FOXK2: variants seen among roughly 807,000 people sequenced by gnomAD.
The protein encoded by FOXK2 is forkhead box K2.
In FOXK2, 24 loss-of-function variants were observed where a neutral mutation model predicts 53.3. That is an observed-to-expected ratio of 0.45 (90% CI 0.33 to 0.63). The LOEUF (loss-of-function observed/expected upper bound fraction) is 0.63, where lower values mean the gene tolerates loss of function less well. Among genes scored for constraint, FOXK2 ranks in the 30% least tolerant of loss-of-function variants. FOXK2 has a pLI of 0.03. For synonymous variants in FOXK2, 505 were observed against 407.1 expected (o/e 1.24, Z -2.89); for missense variants, 952 against 910.5 (o/e 1.05, Z -0.59).
chr17:82,541,046 C>T (rs191601408), intron 1 of FOXK2, among the ~76,000 whole-genome samples: 1 of 152,138 alleles, frequency 6.6e-6, no homozygotes, highest in East Asian at 1.9e-4. Context: ...TAGGCCCTCC[C>T]AGCGGTTGGA....
chr17:82,586,059 G>C lies in FOXK2; in HGVS notation c.1435G>C (p.Ala479Pro). The C allele has an allele frequency of 6.2e-7, 1 of 1,612,796 alleles. No homozygotes were observed. The highest frequency in any genetic ancestry group is 8.5e-7 in the Non-Finnish European group (1 of 1,179,976). ...GGTTCACGTCGTCCACCAGATCCCA[G>C]CGGTGTCGGTCACCAGTGTGGCCGG... ...QTVHVVHQIP[A>P]VSVTSVAGLA... Residue 479 changes from alanine (A) to proline (P), a missense_variant, in exon 7 of 9, where the codon GCG becomes CCG. By Grantham distance (27) the Ala-to-Pro change is conservative. Transcript: ENST00000335255.
At chr17:82,591,828 CT>C (rs1251194766) in intron 8 of FOXK2, among the ~76,000 whole-genome samples, 1 of 152,232 alleles carries the variant, frequency 6.6e-6, no homozygotes, top group Non-Finnish European at 1.5e-5. Context: ...CAAAGCTCAT[CT>C]CCTGTCTCTG....
intron 5 of FOXK2, 141 bp downstream of exon 5, chr17:82,583,075 T>G (rs544655508): frequency 3.2e-6 from 2 of 630,138 alleles, no homozygotes; most frequent in African/African-American, 3.8e-5. Flanking sequence ...TGAGCAAAAG[T>G]GTTGGGTGCT....
chr17:82,546,535 G>A (rs1486241701), intron 1 of FOXK2, among the ~76,000 whole-genome samples: 1 of 152,132 alleles, frequency 6.6e-6, no homozygotes, highest in Non-Finnish European at 1.5e-5. Flanking sequence ...GGAGCTCTTC[G>A]CTGCAGGTCC....
chr17:82,546,798 C>T (rs924329859), intron 1 of FOXK2, among the ~76,000 whole-genome samples: 23 of 151,818 alleles, frequency 1.5e-4, no homozygotes, highest in Non-Finnish European at 2.9e-4. Context: ...GAACTCAGGC[C>T]GGGTGCGGTG....
At chr17:82,584,924 T>C (rs897625793) in intron 6 of FOXK2, among the ~76,000 whole-genome samples, 1 of 152,244 alleles carries the variant, frequency 6.6e-6, no homozygotes, top group Non-Finnish European at 1.5e-5. Flanking sequence ...TAAAAATGTG[T>C]GCCCTGGGGA....
chr17:82,593,813 T>C (rs2045281081), intron 8 of FOXK2: 1 of 152,292 alleles, frequency 6.6e-6, no homozygotes. Flanking sequence ...GTTGTGAGCA[T>C]GTAAAACGGC....
chr17:82,539,102 C>T (rs2044548960), intron 1 of FOXK2, among the ~76,000 whole-genome samples: 1 of 151,440 alleles, frequency 6.6e-6, no homozygotes, highest in Non-Finnish European at 1.5e-5. Context: ...GGTGGCCGGG[C>T]GTGGTGGCTC....
rs139266207 is a variant in FOXK2, at chr17:82,568,847, C to CAA, written c.762+654_762+655dup. Reference sequence around the variant, plus strand: ...CAACATGGTTAAACCCCGCTTCTACCAAAAAAAAATACAAAAAGCCAGGCG... The same window carrying CAA: ...CAACATGGTTAAACCCCGCTTCTACCAAAAAAAAAAATACAAAAAGCCAGGCG... On this transcript the variant is annotated intron_variant, in intron 3 of 8. Coordinates refer to ENST00000335255, the MANE Select transcript of FOXK2 (RefSeq NM_004514.4). 2.8e-3 allele frequency among the ~76,000 whole-genome samples: 424 copies of CAA among 150,228 alleles called. 2 individuals carry two copies. The highest frequency in any genetic ancestry group is 9.5e-3 in the African/African-American group (391 of 40,946).
intron 8 of FOXK2, among the ~76,000 whole-genome samples, chr17:82,592,162 C>T (rs1242676319): frequency 6.6e-6 from 1 of 152,244 alleles, no homozygotes; most frequent in African/African-American, 2.4e-5. Context: ...GCCTTGGCCT[C>T]CCAAAGTGCT....
At chr17:82,552,793 A>G (rs989971253) in intron 1 of FOXK2, among the ~76,000 whole-genome samples, 2 of 152,044 alleles carry the variant, frequency 1.3e-5, no homozygotes, top group Non-Finnish European at 2.9e-5. Context: ...CAGCATCCCA[A>G]ACAGGGCTCT....
intron 8 of FOXK2, among the ~76,000 whole-genome samples, chr17:82,593,216 T>C (rs2045272143): frequency 1.3e-5 from 2 of 150,476 alleles, no homozygotes; most frequent in African/African-American, 4.9e-5. Context: ...GAGGCTCTTA[T>C]TCTGAAAGCA....
intron 1 of FOXK2, among the ~76,000 whole-genome samples, chr17:82,523,997 C>CCATT (rs2044392649): frequency 6.6e-6 from 1 of 152,180 alleles, no homozygotes; most frequent in Admixed American, 6.5e-5. Context: ...TGGATTCAAG[C>CCATT]CATTCTCCTG....
At chr17:82,567,218 G>GT (rs1360883681) in intron 2 of FOXK2, among the ~76,000 whole-genome samples, 2 of 152,042 alleles carry the variant, frequency 1.3e-5, no homozygotes, top group African/African-American at 4.8e-5. Context: ...CATTTGCAAT[G>GT]TTTTTCCCCA....
At chr17:82,581,226 A>C (rs1321511826) in intron 4 of FOXK2, among the ~76,000 whole-genome samples, 3 of 152,152 alleles carry the variant, frequency 2.0e-5, no homozygotes, top group Non-Finnish European at 4.4e-5. Context: ...GTTTCTATGA[A>C]CCCATGACGT....
At chr17:82,541,461 C>T (rs907489347) in intron 1 of FOXK2, among the ~76,000 whole-genome samples, 9 of 152,008 alleles carry the variant, frequency 5.9e-5, no homozygotes, top group South Asian at 2.1e-4. Context: ...TTAGTAGAGA[C>T]GGGGTTTAAC....
At chr17:82,578,643 A>G (rs1027692511) in intron 4 of FOXK2, 1 of 152,232 alleles carries the variant, frequency 6.6e-6, no homozygotes, top group Admixed American at 6.5e-5. Context: ...GTTGGCTGGC[A>G]AATCACAAGT....
intron 6 of FOXK2, among the ~76,000 whole-genome samples, chr17:82,585,098 C>T (rs1226737018): frequency 1.3e-5 from 2 of 152,204 alleles, no homozygotes; most frequent in Non-Finnish European, 2.9e-5. Context: ...TCTCTTTGCT[C>T]TAAGCCCCCA....
intron 1 of FOXK2, among the ~76,000 whole-genome samples, chr17:82,562,566 A>T (rs1226496530): frequency 6.6e-6 from 1 of 151,250 alleles, no homozygotes; most frequent in Admixed American, 6.6e-5. Context: ...GGCGACAAGA[A>T]CGAAACTCTG....
Sources: allele counts gnomAD v4.1 joint callset (sites outside exome capture counted in the v4.1 genomes callset), GRCh38; gene constraint gnomAD v4.1.1; transcripts MANE v1.5; gene names NCBI Gene and HGNC (gene_info 2026-07-23, HGNC 2026-07-21).